ROBO2: variants seen among roughly 807,000 people sequenced by gnomAD.
The protein encoded by ROBO2 is roundabout guidance receptor 2, also known as roundabout homolog 2.
A neutral mutation model predicts 160.8 loss-of-function variants in ROBO2; 53 were observed. The ratio of observed to expected loss-of-function variants is 0.33; its 90% CI spans 0.26 to 0.41. The LOEUF (loss-of-function observed/expected upper bound fraction) is 0.41, where lower values mean the gene tolerates loss of function less well. ROBO2 is among the 10% of genes least tolerant of loss of function. The pLI, the probability that ROBO2 is intolerant of heterozygous loss-of-function variation, is 1.00. For missense variants in ROBO2, 1,577 were observed against 1,722.4 expected (o/e 0.92, Z 1.49); for synonymous variants, 664 against 611.7 (o/e 1.09, Z -1.26).
chr3:77,161,981 C>T lies in ROBO2; in HGVS notation c.388+63641C>T, dbSNP rs527725832. 5.9e-5 allele frequency among the ~76,000 whole-genome samples: 9 copies of T among 152,020 alleles called. No homozygotes were observed. The South Asian group carries it at 1.0e-3, about 18-fold the overall frequency. On this transcript the variant is annotated intron_variant, in intron 2 of 25. Transcript: ENST00000461745. ...AATATTTCTCTAGTGCAAATTCAGC[C>T]GTACCAGTAATGTGTTAAAAAGTCA...
intron 2 of ROBO2, among the ~76,000 whole-genome samples, chr3:77,197,451 G>C (rs1014326338): frequency 6.6e-6 from 1 of 152,140 alleles, no homozygotes; most frequent in African/African-American, 2.4e-5. Flanking sequence ...AAGAGACTGG[G>C]TAAAATAATT....
At chr3:77,424,617 A>C (rs1290212836) in intron 2 of ROBO2, among the ~76,000 whole-genome samples, 1 of 152,236 alleles carries the variant, frequency 6.6e-6, no homozygotes, top group Non-Finnish European at 1.5e-5. Context: ...TACTGAAGCA[A>C]CTAGGCTTCC....
intron 2 of ROBO2, among the ~76,000 whole-genome samples, chr3:76,103,448 C>T (rs569173809): frequency 4.3e-4 from 65 of 152,144 alleles, no homozygotes; most frequent in Non-Finnish European, 6.5e-4. Flanking sequence ...TTGGAGTCTG[C>T]AACGCACCCT....
intron 2 of ROBO2, among the ~76,000 whole-genome samples, chr3:76,356,072 AATG>A (rs202067767): frequency 0.011 from 1,660 of 151,886 alleles, 21 homozygotes; most frequent in Middle Eastern, 0.024. Flanking sequence ...AATGTATAAT[AATG>A]ATATTTAAAG....
chr3:76,064,706 GA>G (rs1305132763), intron 2 of ROBO2, among the ~76,000 whole-genome samples: 1 of 151,966 alleles, frequency 6.6e-6, no homozygotes, highest in Admixed American at 6.6e-5. Flanking sequence ...TTGGGGGCCT[GA>G]AAAAATACAT....
intron 2 of ROBO2, among the ~76,000 whole-genome samples, chr3:76,398,899 T>G (rs1328585590): frequency 6.6e-6 from 1 of 151,794 alleles, no homozygotes; most frequent in Non-Finnish European, 1.5e-5. Context: ...AGGTACATAT[T>G]TGATGGTAAG....
At chr3:76,379,086 C>T (rs1319214930) in intron 2 of ROBO2, among the ~76,000 whole-genome samples, 2 of 152,060 alleles carry the variant, frequency 1.3e-5, no homozygotes, top group African/African-American at 2.4e-5. Context: ...AAATAGGAAG[C>T]ACTGACCATG....
intron 2 of ROBO2, among the ~76,000 whole-genome samples, chr3:76,734,249 T>C (rs1055411351): frequency 6.6e-6 from 1 of 152,196 alleles, no homozygotes; most frequent in Non-Finnish European, 1.5e-5. Flanking sequence ...ATCTCCTCTG[T>C]AACAAAAATA....
intron 2 of ROBO2, among the ~76,000 whole-genome samples, chr3:76,447,227 T>G (rs1465379500): frequency 6.6e-6 from 1 of 151,884 alleles, no homozygotes; most frequent in African/African-American, 2.4e-5. Context: ...AAAAAGCGGG[T>G]GAAGGATATG....
At chr3:77,561,586 A>G (rs538440223) in intron 9 of ROBO2, among the ~76,000 whole-genome samples, 2 of 152,286 alleles carry the variant, frequency 1.3e-5, no homozygotes, top group South Asian at 2.1e-4. Flanking sequence ...CTCTTCTGAG[A>G]ATAATAAAAC....
At chr3:75,995,433 C>A (rs760846411) in intron 2 of ROBO2, among the ~76,000 whole-genome samples, 1 of 152,068 alleles carries the variant, frequency 6.6e-6, no homozygotes, top group Admixed American at 6.5e-5. Flanking sequence ...CATTGGTATA[C>A]AAAAGTTAAA....
chr3:77,066,595 C>G (rs903800421), intron 1 of ROBO2, among the ~76,000 whole-genome samples: 33 of 152,106 alleles, frequency 2.2e-4, no homozygotes, highest in African/African-American at 7.9e-4. Context: ...AATCAAAGGA[C>G]TAACAGTAGG....
At chr3:76,898,761 T>C (rs537306056) in intron 2 of ROBO2, among the ~76,000 whole-genome samples, 1 of 152,282 alleles carries the variant, frequency 6.6e-6, no homozygotes, top group South Asian at 2.1e-4. Flanking sequence ...TGAAGAATCA[T>C]TATTACATTA....
intron 2 of ROBO2, among the ~76,000 whole-genome samples, chr3:77,104,407 T>C (rs189337223): frequency 6.6e-6 from 1 of 152,318 alleles, no homozygotes; most frequent in Admixed American, 6.5e-5. Flanking sequence ...TACTTTATTC[T>C]TCATTATTGC....
chr3:76,838,797 C>T (rs547063629), intron 2 of ROBO2, among the ~76,000 whole-genome samples: 1 of 151,962 alleles, frequency 6.6e-6, no homozygotes, highest in South Asian at 2.1e-4. Context: ...ACTGAATAGG[C>T]TCTTCAAACT....
chr3:76,061,271 C>T (rs938219964), intron 2 of ROBO2, among the ~76,000 whole-genome samples: 2 of 152,160 alleles, frequency 1.3e-5, no homozygotes, highest in Admixed American at 1.3e-4. Context: ...CCTTTGAACA[C>T]CTGCATCCTG....
intron 2 of ROBO2, among the ~76,000 whole-genome samples, chr3:77,198,390 C>T (rs554146628): frequency 6.6e-6 from 1 of 152,164 alleles, no homozygotes; most frequent in Admixed American, 6.5e-5. Context: ...AAACCACCTG[C>T]TTAAACTTCC....
At chr3:76,175,307 A>ATTTG (rs2073191111) in intron 2 of ROBO2, among the ~76,000 whole-genome samples, 4 of 151,930 alleles carry the variant, frequency 2.6e-5, no homozygotes, top group Non-Finnish European at 5.9e-5. Flanking sequence ...TCATCTGCAA[A>ATTTG]CAGATGACAT....
chr3:76,062,995 A>C (rs1559879914), intron 2 of ROBO2, among the ~76,000 whole-genome samples: 1 of 152,180 alleles, frequency 6.6e-6, no homozygotes, highest in Non-Finnish European at 1.5e-5. Context: ...TTTTCTATTC[A>C]TAATTTAGAA....
Sources: allele counts gnomAD v4.1 joint callset (sites outside exome capture counted in the v4.1 genomes callset), GRCh38; gene constraint gnomAD v4.1.1; transcripts MANE v1.5; gene names NCBI Gene and HGNC (gene_info 2026-07-23, HGNC 2026-07-21).